GRSF1: variants seen among roughly 807,000 people sequenced by gnomAD.
The protein encoded by GRSF1 is G-rich RNA sequence binding factor 1.
Under a neutral mutation model 51.1 loss-of-function variants are expected in GRSF1, and 50 were observed. That is an observed-to-expected ratio of 0.98 (90% CI 0.78 to 1.24). The LOEUF is 1.24. GRSF1 is among the 50% of genes most tolerant of loss of function. The pLI is 0.00. For missense variants in GRSF1, 700 were observed against 639.7 expected, an observed-to-expected ratio of 1.09 and a Z score of -1.02; for synonymous variants, 293 against 253.3, an observed-to-expected ratio of 1.16 and a Z score of -1.49.
chr4:70,829,379 G>A (rs1248922869), intron 5 of GRSF1, among the ~76,000 whole-genome samples: 2 of 151,248 alleles, frequency 1.3e-5, no homozygotes, highest in African/African-American at 4.9e-5. Flanking sequence ...CAGGAGACCA[G>A]GTACAGTGGC....
intron 3 of GRSF1, among the ~76,000 whole-genome samples, chr4:70,832,803 C>A (rs1287508857): frequency 6.6e-6 from 1 of 152,160 alleles, no homozygotes; most frequent in Non-Finnish European, 1.5e-5. Flanking sequence ...CAAAAATTAG[C>A]TGGGTATCAT....
intron 1 of GRSF1, chr4:70,838,819 A>G: frequency 5.1e-6 from 1 of 197,302 alleles, no homozygotes; most frequent in Non-Finnish European, 1.0e-5. Flanking sequence ...CCCAACAGCT[A>G]AATCTCCAAA....
intron 3 of GRSF1, 59 bp from the exon 4 acceptor site, chr4:70,832,509 T>TA (rs1045891473): frequency 2.7e-4 from 273 of 1,023,846 alleles, no homozygotes; most frequent in Non-Finnish European, 3.3e-4. Flanking sequence ...ACAAACCCAT[T>TA]AAAAAAAATC....
rs1384329702 is a variant in GRSF1, at chr4:70,827,904, T to G, written c.1083A>C (p.Glu361Asp). The change falls in exon 6 of 10, where the codon GAA (glutamate) becomes GAC (aspartate). Residue 361 changes from glutamate (E) to aspartate (D), a missense_variant. Glu to Asp is a conservative substitution (Grantham distance 45, BLOSUM62 2). Transcript: ENST00000254799. ...TCATGGGTTGAATATCCTCATTTAC[T>G]TCATGTTCTTCAAAGACCATTTCTG... ...TEPEMVFEEH[E>D]VNEDIQPMTA... is the part of the protein sequence containing the mutation. 6.2e-7 allele frequency: 1 copy of G among 1,613,396 alleles called. No individual in the cohort carries two copies.
intron 9 of GRSF1, among the ~76,000 whole-genome samples, chr4:70,822,074 C>A (rs1234496303): frequency 2.6e-5 from 4 of 151,350 alleles, no homozygotes; most frequent in South Asian, 4.2e-4. Context: ...ACTTACAATA[C>A]CTTATGGGAA....
At position 70,832,282 on chromosome 4, in the gene GRSF1, C is replaced by T. The variant is rs76807104; in HGVS notation, c.814+25G>A. The stretch of plus-strand genomic sequence containing the variant: ...CCAAGGGAAAAAAGATATGAGCTCC[C>T]AAGCATAATACAACTGCAAAGTACC... On this transcript the variant is annotated intron_variant, in intron 4 of 9. Coordinates refer to ENST00000254799, the MANE Select transcript of GRSF1 (RefSeq NM_002092.4). 1.5e-3 allele frequency: 2,372 copies of T among 1,603,138 alleles called. 29 individuals are homozygous for T. The African/African-American group carries it at 0.029, about 20-fold the overall frequency.
chr4:70,827,730 G>A (rs1733792427), intron 6 of GRSF1, 122 bp downstream of exon 6: 1 of 688,646 alleles, frequency 1.5e-6, no homozygotes, highest in Non-Finnish European at 2.5e-6. Flanking sequence ...AGTCAGCCGA[G>A]ATCGCACCAC....
chr4:70,819,415 T>C lies in GRSF1; in HGVS notation c.*1472A>G, dbSNP rs1469935387. ...TGGTTAAGTCATGTTCACAGGATTTTAGAGAACACACACACGAAAATTAAC... is the reference window on the plus strand; with the variant it reads ...TGGTTAAGTCATGTTCACAGGATTTCAGAGAACACACACACGAAAATTAAC... On this transcript the variant is annotated 3_prime_UTR_variant, in exon 10 of 10. Transcript: ENST00000254799. 4 of 152,200 alleles carry C rather than the reference T, an allele frequency of 2.6e-5. No homozygotes were observed. Among genetic ancestry groups the C allele is most frequent in the Non-Finnish European group, 1.5e-5 (1 of 68,034 alleles). The allele number at this position is 152,200 out of a possible 1,614,324, so 9.4% of individuals were successfully genotyped here. A position where few individuals can be genotyped will look rare whatever the true frequency, so the allele number is the denominator to read the frequency against.
Position 70,824,384 on chromosome 4 carries a change from A to C in GRSF1, c.1394-16T>G, listed in dbSNP as rs1733650306. On this transcript the variant is annotated splice_polypyrimidine_tract_variant and intron_variant, in intron 8 of 9. Transcript: ENST00000254799. ...TACCTATGATCTGAGGATAATGAGA[A>C]AGATTAGTTTTAAAAAGTTGAAAAG... 1 of 1,355,538 alleles carries C rather than the reference A, an allele frequency of 7.4e-7. No homozygotes were observed. 84.0% of individuals were successfully genotyped at this position (1,355,538 alleles called of 1,614,324 possible).
At chr4:70,835,453 T>C (rs1734163922) in intron 2 of GRSF1, among the ~76,000 whole-genome samples, 1 of 144,994 alleles carries the variant, frequency 6.9e-6, no homozygotes. Context: ...CTACATAGTA[T>C]GATGGATTTT....
rs913549829 is a variant in GRSF1 at position 70,819,431 on chromosome 4, G to A, written c.*1456C>T. ...ACAGGATTTTAGAGAACACACACACGAAAATTAACCCTTACTACTTATATT... is the reference window on the plus strand; with the variant it reads ...ACAGGATTTTAGAGAACACACACACAAAAATTAACCCTTACTACTTATATT... On this transcript the variant is annotated 3_prime_UTR_variant, in exon 10 of 10. Transcript: ENST00000254799. The A allele has an allele frequency of 2.6e-5, 4 of 152,240 alleles. No homozygotes were observed. The highest frequency in any genetic ancestry group is 3.9e-4 in the East Asian group (2 of 5,192). 9.4% of individuals were successfully genotyped at this position (152,240 alleles called of 1,614,324 possible).
chr4:70,831,032 G>A (rs776696003), intron 5 of GRSF1, among the ~76,000 whole-genome samples: 43 of 152,056 alleles, frequency 2.8e-4, no homozygotes, highest in Non-Finnish European at 5.0e-4. Flanking sequence ...GCTGCTCTAG[G>A]TACTCTGTCT....
At position 70,839,795 on chromosome 4, in the gene GRSF1, C is replaced by T; in HGVS notation, c.33G>A (p.Leu11=). 2 of 1,504,526 alleles carry T rather than the reference C, an allele frequency of 1.3e-6. No individual in the cohort carries two copies. Among genetic ancestry groups the T allele is most frequent in the East Asian group, 5.5e-5 (2 of 36,098 alleles). 93.2% of individuals were successfully genotyped at this position (1,504,526 alleles called of 1,614,324 possible). A position where few individuals can be genotyped will look rare whatever the true frequency, so the allele number is the denominator to read the frequency against. The change falls in exon 1 of 10, where the codon CTG becomes CTA. Residue 11 remains leucine (L), a synonymous_variant. Transcript: ENST00000254799. The part of the protein sequence containing the change: MAGTRWVLGA[L]LRGCGCNCSS... ...TGCAGTTACAGCCGCAGCCCCGGAG[C>T]AGCGCCCCGAGTACCCAGCGCGTGC...
rs1419514586 is a variant in GRSF1 at position 70,819,763 on chromosome 4, T to C, written c.*1124A>G. ...AAGAAAGCATACAGGATTTTGATTC[T>C]CCTACACAGGTGCACATAAAGTTAG... On this transcript the variant is annotated 3_prime_UTR_variant, in exon 10 of 10. Coordinates refer to ENST00000254799, the MANE Select transcript of GRSF1 (RefSeq NM_002092.4). 1 of 152,634 alleles carries C rather than the reference T, an allele frequency of 6.6e-6. No individual in the cohort carries two copies. Among genetic ancestry groups the C allele is most frequent in the Non-Finnish European group, 1.5e-5 (1 of 68,044 alleles). The allele number at this position is 152,634 out of a possible 1,614,324, so 9.5% of individuals were successfully genotyped here.
intron 9 of GRSF1, among the ~76,000 whole-genome samples, chr4:70,821,138 C>G (rs764430689): frequency 3.9e-5 from 6 of 152,102 alleles, no homozygotes; most frequent in Non-Finnish European, 8.8e-5. Flanking sequence ...AAAATAGCAA[C>G]AGAAGAGGCC....
chr4:70,828,610 C>G (rs1275504750), intron 5 of GRSF1, among the ~76,000 whole-genome samples: 2 of 152,066 alleles, frequency 1.3e-5, no homozygotes, highest in Admixed American at 6.6e-5. Context: ...TTGCTGTCAC[C>G]CAAGATGGTG....
At chr4:70,829,035 A>T (rs1433865349) in intron 5 of GRSF1, among the ~76,000 whole-genome samples, 1 of 151,902 alleles carries the variant, frequency 6.6e-6, no homozygotes, top group Non-Finnish European at 1.5e-5. Context: ...CACCATGCCC[A>T]GCCCACACAC....
chr4:70,826,292 G>T (rs778680309), intron 6 of GRSF1, 47 bp from the exon 7 acceptor site: 3 of 1,508,794 alleles, frequency 2.0e-6, no homozygotes, highest in South Asian at 2.5e-5. Context: ...CAGCTTCAAG[G>T]GTTATTAACA....
intron 5 of GRSF1, among the ~76,000 whole-genome samples, chr4:70,830,565 T>A (rs761863237): frequency 6.6e-6 from 1 of 152,066 alleles, no homozygotes; most frequent in Non-Finnish European, 1.5e-5. Flanking sequence ...ACACCTGTAA[T>A]CCCAGCACTT....
Sources: allele counts gnomAD v4.1 joint callset (sites outside exome capture counted in the v4.1 genomes callset), GRCh38; gene constraint gnomAD v4.1.1; transcripts MANE v1.5; gene names NCBI Gene and HGNC (gene_info 2026-07-23, HGNC 2026-07-21).